The following SNX24 variants were observed in gnomAD, a reference collection of about 807,000 sequenced individuals.
SNX24 encodes sorting nexin 24.
A neutral mutation model predicts 28.7 loss-of-function variants in SNX24; 22 were observed. That is an observed-to-expected ratio of 0.77 (90% CI 0.55 to 1.10). SNX24 has a LOEUF of 1.10. Ranked by LOEUF, SNX24 falls within the 50% of genes least tolerant of loss-of-function variation. SNX24 has a pLI of 0.00. For missense variants in SNX24, 221 were observed against 201.1 expected, an observed-to-expected ratio of 1.10 and a Z score of -0.60; for synonymous variants, 69 against 71.5, an observed-to-expected ratio of 0.96 and a Z score of 0.18.
intron 1 of SNX24, among the ~76,000 whole-genome samples, chr5:122,845,917 A>G (rs1482443850): frequency 2.6e-5 from 4 of 151,086 alleles, no homozygotes; most frequent in Admixed American, 2.6e-4. Flanking sequence ...TCGGGGTCCA[A>G]CCCTCTCCTC....
chr5:123,008,812 A>G lies in SNX24; in HGVS notation c.*1063A>G, dbSNP rs1208252794. The G allele has an allele frequency of 2.2e-6, 2 of 918,052 alleles. No homozygotes were observed. Among genetic ancestry groups the G allele is most frequent in the Admixed American group, 6.2e-5 (1 of 16,194 alleles). The allele number at this position is 918,052 out of a possible 1,614,324, so 56.9% of individuals were successfully genotyped here. A position where few individuals can be genotyped will look rare whatever the true frequency, so the allele number is the denominator to read the frequency against. ...AATGTAAGTTAAATGTGTTTATGAT[A>G]TAACTCCACTGTACATCATCCTTTG... On this transcript the variant is annotated 3_prime_UTR_variant, in exon 7 of 7. Transcript: ENST00000261369.
rs1023929097 is a variant in SNX24 at position 122,889,099 on chromosome 5, C to T, written c.60+43406C>T. The stretch of plus-strand genomic sequence containing the variant: ...AACTCCTGATCTCAATTGATCTGCC[C>T]GCCTTGGCCTCCCAAAGTTCTGGAT... On this transcript the variant is annotated intron_variant, in intron 1 of 6. Coordinates refer to ENST00000261369, the MANE Select transcript of SNX24 (RefSeq NM_014035.4). 2.2e-4 allele frequency among the ~76,000 whole-genome samples: 34 copies of T among 152,148 alleles called. 1 individual carries two copies. Among genetic ancestry groups the T allele is most frequent in the Admixed American group, 1.3e-4 (2 of 15,270 alleles).
chr5:122,854,515 C>CAAAAAAAAAAAAAA (rs55693230), intron 1 of SNX24, among the ~76,000 whole-genome samples: 1 of 121,408 alleles, frequency 8.2e-6, no homozygotes, highest in Non-Finnish European at 1.7e-5. Context: ...CTCAAAAAAA[C>CAAAAAAAAAAAAAA]AAAAAAAAAA....
intron 1 of SNX24, among the ~76,000 whole-genome samples, chr5:122,858,219 A>G (rs1183003139): frequency 6.6e-6 from 1 of 152,226 alleles, no homozygotes; most frequent in African/African-American, 2.4e-5. Flanking sequence ...AAGATCACTG[A>G]TCACAGATCA....
intron 1 of SNX24, among the ~76,000 whole-genome samples, chr5:122,901,600 T>C (rs1394717960): frequency 1.3e-5 from 2 of 152,238 alleles, no homozygotes; most frequent in African/African-American, 2.4e-5. Context: ...TTGTTCCATA[T>C]GCCTGCTCCC....
At chr5:122,913,970 C>T (rs1009505729) in intron 1 of SNX24, among the ~76,000 whole-genome samples, 9 of 152,290 alleles carry the variant, frequency 5.9e-5, no homozygotes, top group African/African-American at 1.7e-4. Context: ...ACCAGTCAGG[C>T]GTGGCGGCGC....
chr5:122,907,084 T>C (rs896036531), intron 1 of SNX24, among the ~76,000 whole-genome samples: 2 of 152,174 alleles, frequency 1.3e-5, no homozygotes, highest in African/African-American at 4.8e-5. Flanking sequence ...TACGTCATTT[T>C]CTCCACCACC....
At chr5:122,854,515 C>CAAAAAAAAAAAAAAAAAAAA (rs55693230) in intron 1 of SNX24, among the ~76,000 whole-genome samples, 1 of 121,414 alleles carries the variant, frequency 8.2e-6, no homozygotes, top group Non-Finnish European at 1.7e-5. Flanking sequence ...CTCAAAAAAA[C>CAAAAAAAAAAAAAAAAAAAA]AAAAAAAAAA....
chr5:122,868,417 G>A (rs1478982730), intron 1 of SNX24, among the ~76,000 whole-genome samples: 2 of 152,160 alleles, frequency 1.3e-5, no homozygotes, highest in East Asian at 1.9e-4. Flanking sequence ...AGCAGGGTAA[G>A]CGCTGTTTCT....
chr5:122,983,789 A>G (rs1438174692), intron 3 of SNX24, among the ~76,000 whole-genome samples: 2 of 152,180 alleles, frequency 1.3e-5, no homozygotes, highest in African/African-American at 4.8e-5. Flanking sequence ...AAAAATTTGT[A>G]GAGATGAGGT....
intron 3 of SNX24, among the ~76,000 whole-genome samples, chr5:122,952,837 C>T (rs1760011446): frequency 6.6e-6 from 1 of 152,124 alleles, no homozygotes. Flanking sequence ...TGAAAACATT[C>T]AGTAGATGCT....
At position 122,969,063 on chromosome 5, in the gene SNX24, C is replaced by T. The variant is rs570554753; in HGVS notation, c.249+22904C>T. Among the ~76,000 whole-genome samples, 35 of 152,132 alleles carry T rather than the reference C, an allele frequency of 2.3e-4. No homozygotes were observed. In the Middle Eastern group the frequency reaches 0.01, roughly 44 times the overall value. On this transcript the variant is annotated intron_variant, in intron 3 of 6. Transcript: ENST00000261369. ...TAACACTGTTCCATCCTGAATGGAA[C>T]CTCCTACTCTAGGTTTTAAGTAAAA...
chr5:122,996,624 G>A (rs772224996), intron 3 of SNX24, among the ~76,000 whole-genome samples: 20 of 152,238 alleles, frequency 1.3e-4, no homozygotes, highest in South Asian at 2.1e-4. Context: ...TCTATCCATC[G>A]CTGATTGTGT....
intron 1 of SNX24, among the ~76,000 whole-genome samples, chr5:122,864,372 G>T (rs1054165480): frequency 2.6e-5 from 4 of 152,196 alleles, no homozygotes; most frequent in African/African-American, 7.2e-5. Flanking sequence ...TGAAAAAAGG[G>T]AAGAATTGTA....
At chr5:122,847,960 T>C (rs1754717731) in intron 1 of SNX24, among the ~76,000 whole-genome samples, 1 of 152,124 alleles carries the variant, frequency 6.6e-6, no homozygotes, top group Non-Finnish European at 1.5e-5. Context: ...GTAGGGAATA[T>C]AGCAGTGAAT....
intron 1 of SNX24, among the ~76,000 whole-genome samples, chr5:122,922,816 T>C (rs1483748996): frequency 6.6e-6 from 1 of 152,170 alleles, no homozygotes; most frequent in Non-Finnish European, 1.5e-5. Flanking sequence ...ATTTGTTTTC[T>C]GTCTCCCCTG....
intron 1 of SNX24, among the ~76,000 whole-genome samples, chr5:122,905,667 G>T (rs1221861123): frequency 2.6e-5 from 4 of 152,136 alleles, no homozygotes; most frequent in Non-Finnish European, 5.9e-5. Context: ...ATAACCCTAG[G>T]AACACCTGAT....
chr5:122,967,851 G>A (rs981210657), intron 3 of SNX24, among the ~76,000 whole-genome samples: 6 of 152,182 alleles, frequency 3.9e-5, no homozygotes, highest in Non-Finnish European at 5.9e-5. Flanking sequence ...ACGAGCTCAC[G>A]TGAATGGCAG....
chr5:122,896,897 C>G (rs1352531767), intron 1 of SNX24, among the ~76,000 whole-genome samples: 1 of 152,202 alleles, frequency 6.6e-6, no homozygotes, highest in African/African-American at 2.4e-5. Context: ...AGGTTTAACT[C>G]TAACCACCAA....
Sources: allele counts gnomAD v4.1 joint callset (sites outside exome capture counted in the v4.1 genomes callset), GRCh38; gene constraint gnomAD v4.1.1; transcripts MANE v1.5; gene names NCBI Gene and HGNC (gene_info 2026-07-23, HGNC 2026-07-21).